The following STEAP1B variants were observed in gnomAD, a reference collection of about 807,000 sequenced individuals.
STEAP1B encodes STEAP family protein MGC87042.
Under a neutral mutation model 27.9 loss-of-function variants are expected in STEAP1B, and 13 were observed. That is an observed-to-expected ratio of 0.47 (90% CI 0.30 to 0.74). STEAP1B has a LOEUF of 0.74. Ranked by LOEUF, STEAP1B falls within the 30% of genes least tolerant of loss-of-function variation. The pLI is 0.06. For synonymous variants in STEAP1B, 86 were observed against 107.1 expected (o/e 0.80, Z 1.22); for missense variants, 250 against 298.7 (o/e 0.84, Z 1.20).
intron 4 of STEAP1B, among the ~76,000 whole-genome samples, chr7:22,461,629 G>T (rs182672348): frequency 6.6e-6 from 1 of 152,244 alleles, no homozygotes; most frequent in Admixed American, 6.5e-5. Flanking sequence ...GCAGTTACAG[G>T]TCATTTTTCC....
chr7:22,428,078 T>C (rs748045036), intron 4 of STEAP1B, among the ~76,000 whole-genome samples: 43 of 152,240 alleles, frequency 2.8e-4, no homozygotes, highest in Non-Finnish European at 7.4e-5. Context: ...ACTGGGTCTT[T>C]AAACTCATGC....
At chr7:22,427,440 G>A (rs941132401) in intron 4 of STEAP1B, among the ~76,000 whole-genome samples, 3 of 152,200 alleles carry the variant, frequency 2.0e-5, no homozygotes, top group East Asian at 3.8e-4. Flanking sequence ...TCATGGCCTG[G>A]CTAACTGGAA....
At chr7:22,470,237 A>G (rs1206302713) in intron 4 of STEAP1B, among the ~76,000 whole-genome samples, 2 of 152,216 alleles carry the variant, frequency 1.3e-5, no homozygotes, top group African/African-American at 4.8e-5. Flanking sequence ...CATAAAACAA[A>G]TATATAAAGG....
chr7:22,488,382 T>A (rs1786256264), intron 4 of STEAP1B, among the ~76,000 whole-genome samples: 1 of 152,102 alleles, frequency 6.6e-6, no homozygotes, highest in South Asian at 2.1e-4. Flanking sequence ...CATACCTCCC[T>A]CCCATCTGTC....
intron 4 of STEAP1B, among the ~76,000 whole-genome samples, chr7:22,490,403 C>T (rs1032509508): frequency 6.6e-6 from 1 of 152,106 alleles, no homozygotes; most frequent in Non-Finnish European, 1.5e-5. Context: ...TTAGTCCTGT[C>T]TCTTGTGGGA....
intron 4 of STEAP1B, among the ~76,000 whole-genome samples, chr7:22,422,942 A>T (rs756702644): frequency 6.6e-6 from 1 of 152,244 alleles, no homozygotes; most frequent in Non-Finnish European, 1.5e-5. Context: ...GAAGGGTGTG[A>T]ACGGAGATAT....
intron 4 of STEAP1B, among the ~76,000 whole-genome samples, chr7:22,487,364 G>A (rs1320789415): frequency 1.3e-5 from 2 of 152,072 alleles, no homozygotes; most frequent in Non-Finnish European, 2.9e-5. Context: ...CTGATTCACT[G>A]GAGAGTTTTC....
At chr7:22,420,064 A>G (rs1425690425) in intron 4 of STEAP1B, among the ~76,000 whole-genome samples, 2 of 152,118 alleles carry the variant, frequency 1.3e-5, no homozygotes, top group African/African-American at 4.8e-5. Flanking sequence ...AGAAGACTAC[A>G]TTGTGGGGCA....
At chr7:22,497,645 T>A (rs1213415222) in intron 1 of STEAP1B, among the ~76,000 whole-genome samples, 2 of 152,248 alleles carry the variant, frequency 1.3e-5, no homozygotes, top group African/African-American at 4.8e-5. Flanking sequence ...CTCTATCTCC[T>A]TAACAGCATT....
At position 22,419,834 on chromosome 7, in the gene STEAP1B, T is replaced by C. The variant is rs573435370; in HGVS notation, c.765A>G (p.Val255=). 29 of 1,550,180 alleles carry C rather than the reference T, an allele frequency of 1.9e-5. No individual in the cohort carries two copies. The East Asian group carries it at 7.1e-4, about 38-fold the overall frequency. ...AGGTCAGGAAGTTGATCCTACCATG[T>C]ACCTGGAAGGCAGACAGCAAGAAAG... The part of the protein sequence containing the change: ...LTWREFHYIQ[V]HGRINFLTL Residue 255 remains valine, a splice_region_variant and synonymous_variant, in exon 5 of 5, where the codon GTA becomes GTG. Coordinates refer to ENST00000678116, the MANE Select transcript of STEAP1B (RefSeq NM_001382447.1).
At chr7:22,446,285 C>A (rs1245517787) in intron 4 of STEAP1B, among the ~76,000 whole-genome samples, 2 of 152,222 alleles carry the variant, frequency 1.3e-5, no homozygotes. Flanking sequence ...GGGCCAAGAA[C>A]CTGCATTTGA....
chr7:22,498,988 G>A (rs1786488888), intron 1 of STEAP1B, among the ~76,000 whole-genome samples: 1 of 152,222 alleles, frequency 6.6e-6, no homozygotes, highest in Non-Finnish European at 1.5e-5. Flanking sequence ...AATAAACTAT[G>A]AGTCAAATAA....
At chr7:22,454,192 G>C (rs968693112) in intron 4 of STEAP1B, among the ~76,000 whole-genome samples, 6 of 152,152 alleles carry the variant, frequency 3.9e-5, no homozygotes, top group Admixed American at 1.3e-4. Flanking sequence ...CAGAGATAAG[G>C]AGCAATTACC....
intron 4 of STEAP1B, among the ~76,000 whole-genome samples, chr7:22,426,721 T>C (rs1785112129): frequency 6.6e-6 from 1 of 152,198 alleles, no homozygotes; most frequent in Non-Finnish European, 1.5e-5. Context: ...GTCTGTGAGC[T>C]AGACATTGGA....
intron 4 of STEAP1B, among the ~76,000 whole-genome samples, chr7:22,488,546 G>T (rs1268350751): frequency 6.6e-6 from 1 of 152,182 alleles, no homozygotes; most frequent in Non-Finnish European, 1.5e-5. Context: ...TTCTTTCAAA[G>T]TGAAAAAGTC....
intron 1 of STEAP1B, among the ~76,000 whole-genome samples, 186 bp downstream of exon 1, chr7:22,499,928 G>A (rs1786507011): frequency 6.6e-6 from 1 of 152,218 alleles, no homozygotes; most frequent in South Asian, 2.1e-4. Flanking sequence ...AAGACAGGGC[G>A]CCCCAGAGCC....
chr7:22,443,316 T>C (rs1359217974), intron 4 of STEAP1B, among the ~76,000 whole-genome samples: 1 of 152,200 alleles, frequency 6.6e-6, no homozygotes, highest in Non-Finnish European at 1.5e-5. Context: ...CCAAGATTAA[T>C]TGGTAACTGA....
intron 4 of STEAP1B, among the ~76,000 whole-genome samples, chr7:22,429,662 C>T (rs936205507): frequency 1.3e-5 from 2 of 152,148 alleles, no homozygotes; most frequent in African/African-American, 4.8e-5. Context: ...TCACACTGCT[C>T]AGAACAGTGC....
intron 4 of STEAP1B, among the ~76,000 whole-genome samples, chr7:22,448,052 G>A (rs1247208644): frequency 6.6e-6 from 1 of 152,168 alleles, no homozygotes; most frequent in Non-Finnish European, 1.5e-5. Context: ...TTGCTGGTTT[G>A]CTTATTCATT....
Sources: allele counts gnomAD v4.1 joint callset (sites outside exome capture counted in the v4.1 genomes callset), GRCh38; gene constraint gnomAD v4.1.1; transcripts MANE v1.5; gene names NCBI Gene and HGNC (gene_info 2026-07-23, HGNC 2026-07-21).